Variants in GTF2F2 observed in about 807,000 individuals in gnomAD.
GTF2F2 encodes the protein ATP-dependent helicase GTF2F2.
GTF2F2 carries 23 observed loss-of-function variants against 42.2 expected under a neutral mutation model. The observed-to-expected ratio is 0.55, with a 90% confidence interval of 0.39 to 0.77. The LOEUF is 0.77. GTF2F2 is among the 30% of genes least tolerant of loss of function. The probability of loss-of-function intolerance (pLI) is 0.00; values close to 1 mark genes in which losing one functional copy is unlikely to be tolerated. For missense variants in GTF2F2, 261 were observed against 287.2 expected (o/e 0.91, Z 0.66); for synonymous variants, 105 against 100.8 (o/e 1.04, Z -0.25).
chr13:45,265,305 C>G (rs1198758633), intron 6 of GTF2F2, among the ~76,000 whole-genome samples: 1 of 151,676 alleles, frequency 6.6e-6, no homozygotes, highest in Non-Finnish European at 1.5e-5. Context: ...TCTTCCCTAA[C>G]AATACAATCT....
intron 7 of GTF2F2, among the ~76,000 whole-genome samples, chr13:45,281,497 A>T (rs756182892): frequency 2.6e-5 from 4 of 152,276 alleles, no homozygotes; most frequent in Non-Finnish European, 5.9e-5. Context: ...TAAGGACTCA[A>T]AGATCCTAGA....
chr13:45,157,763 T>G (rs1870833602), intron 4 of GTF2F2, among the ~76,000 whole-genome samples: 1 of 152,006 alleles, frequency 6.6e-6, no homozygotes, highest in South Asian at 2.1e-4. Flanking sequence ...TGTTTTTTTT[T>G]GTAGAGACAG....
chr13:45,191,133 AG>A (rs2138168554), intron 4 of GTF2F2, among the ~76,000 whole-genome samples: 1 of 148,592 alleles, frequency 6.7e-6, no homozygotes, highest in African/African-American at 2.5e-5. Context: ...GCACTTTGGG[AG>A]GCCGAGGTGG....
intron 5 of GTF2F2, among the ~76,000 whole-genome samples, chr13:45,214,923 T>A (rs774543211): frequency 3.3e-5 from 5 of 150,350 alleles, no homozygotes; most frequent in Non-Finnish European, 5.9e-5. Context: ...CACTAACTCA[T>A]CTGAAAATAC....
At chr13:45,267,184 GT>G in intron 6 of GTF2F2, 48 bp from the exon 7 acceptor site, 1 of 1,479,124 alleles carries the variant, frequency 6.8e-7, no homozygotes, top group Non-Finnish European at 9.3e-7. Context: ...GTGTTTTAGA[GT>G]GAGCATGTTG....
At chr13:45,185,492 GGTTTTA>G (rs1325010386) in intron 4 of GTF2F2, among the ~76,000 whole-genome samples, 1 of 152,104 alleles carries the variant, frequency 6.6e-6, no homozygotes, top group Non-Finnish European at 1.5e-5. Context: ...GGTTGTGTTT[GGTTTTA>G]GTTTTCGTTT....
At chr13:45,227,658 A>G (rs946841068) in intron 5 of GTF2F2, among the ~76,000 whole-genome samples, 1 of 152,250 alleles carries the variant, frequency 6.6e-6, no homozygotes, top group African/African-American at 2.4e-5. Flanking sequence ...TTTAAAAGGA[A>G]TATAGATCAG....
intron 4 of GTF2F2, among the ~76,000 whole-genome samples, chr13:45,177,414 C>T (rs564173257): frequency 6.6e-6 from 1 of 152,184 alleles, no homozygotes; most frequent in Non-Finnish European, 1.5e-5. Flanking sequence ...GAAATAATAC[C>T]AAAGTTTTAA....
At chr13:45,167,584 G>C (rs1871354639) in intron 4 of GTF2F2, among the ~76,000 whole-genome samples, 2 of 152,106 alleles carry the variant, frequency 1.3e-5, no homozygotes, top group Admixed American at 6.5e-5. Flanking sequence ...ATTTTTAGTA[G>C]AGATGGGGTT....
chr13:45,235,246 G>A (rs1593508267), intron 5 of GTF2F2, among the ~76,000 whole-genome samples: 2 of 151,834 alleles, frequency 1.3e-5, no homozygotes, highest in African/African-American at 2.4e-5. Flanking sequence ...GTAATTTCCA[G>A]CAGTTTCTCT....
At chr13:45,126,691 G>A (rs944360900) in intron 1 of GTF2F2, among the ~76,000 whole-genome samples, 1 of 152,174 alleles carries the variant, frequency 6.6e-6, no homozygotes, top group Admixed American at 6.5e-5. Flanking sequence ...TGTAAACTAC[G>A]ACTTATAGCC....
intron 4 of GTF2F2, among the ~76,000 whole-genome samples, chr13:45,180,080 A>G (rs1332496311): frequency 6.6e-6 from 1 of 152,184 alleles, no homozygotes; most frequent in Non-Finnish European, 1.5e-5. Context: ...TGAAAATTAT[A>G]ATCCTCAAAA....
chr13:45,172,250 G>C (rs1871634113), intron 4 of GTF2F2, among the ~76,000 whole-genome samples: 1 of 152,104 alleles, frequency 6.6e-6, no homozygotes, highest in Non-Finnish European at 1.5e-5. Context: ...TTTCATTTGT[G>C]TTTCCCTGTG....
At chr13:45,216,513 G>GT (rs1430630436) in intron 5 of GTF2F2, among the ~76,000 whole-genome samples, 1 of 151,476 alleles carries the variant, frequency 6.6e-6, no homozygotes, top group African/African-American at 2.4e-5. Flanking sequence ...TCTTGTGTTT[G>GT]TTTTTTTGTT....
chr13:45,231,323 G>T (rs1874669984), intron 5 of GTF2F2, among the ~76,000 whole-genome samples: 1 of 152,094 alleles, frequency 6.6e-6, no homozygotes, highest in African/African-American at 2.4e-5. Flanking sequence ...GGCCAGGCTG[G>T]TCTTGAACTC....
intron 5 of GTF2F2, among the ~76,000 whole-genome samples, chr13:45,218,535 C>T (rs1046681682): frequency 4.4e-4 from 67 of 152,174 alleles, no homozygotes; most frequent in Non-Finnish European, 1.3e-4. Context: ...AGGGGCTGCA[C>T]CCTCCAGTTT....
chr13:45,165,623 G>A (rs548893104), intron 4 of GTF2F2, among the ~76,000 whole-genome samples: 2 of 145,630 alleles, frequency 1.4e-5, no homozygotes, highest in African/African-American at 5.4e-5. Context: ...CAAAACATAT[G>A]CAAAAGTAGA....
intron 4 of GTF2F2, among the ~76,000 whole-genome samples, chr13:45,196,979 G>T (rs1256667848): frequency 6.6e-6 from 1 of 151,924 alleles, no homozygotes; most frequent in East Asian, 1.9e-4. Context: ...CTGCAGGCTT[G>T]CCTGAACAGA....
chr13:45,228,922 G>C (rs1874524272), intron 5 of GTF2F2, among the ~76,000 whole-genome samples: 1 of 152,012 alleles, frequency 6.6e-6, no homozygotes. Flanking sequence ...TGCCCTTCAT[G>C]GCCTCCTGAA....
Sources: allele counts gnomAD v4.1 joint callset (sites outside exome capture counted in the v4.1 genomes callset), GRCh38; gene constraint gnomAD v4.1.1; transcripts MANE v1.5; gene names NCBI Gene and HGNC (gene_info 2026-07-23, HGNC 2026-07-21).